The following TUBG1 variants were observed in gnomAD, a reference collection of about 807,000 sequenced individuals.
The protein encoded by TUBG1 is tubulin gamma 1, also known as tubulin gamma-1 chain.
In TUBG1, 22 loss-of-function variants were observed where a neutral mutation model predicts 53.3. That is an observed-to-expected ratio of 0.41 (90% CI 0.29 to 0.59). The LOEUF is 0.59. Among genes scored for constraint, TUBG1 ranks in the 20% least tolerant of loss-of-function variants. The pLI is 0.26. For missense variants in TUBG1, 217 were observed against 598.9 expected, an observed-to-expected ratio of 0.36 and a Z score of 6.66; for synonymous variants, 198 against 236.7, an observed-to-expected ratio of 0.84 and a Z score of 1.50.
At chr17:42,610,023 G>C in intron 1 of TUBG1, 85 bp from the exon 2 acceptor site, 4 of 1,496,618 alleles carry the variant, frequency 2.7e-6, no homozygotes, top group Non-Finnish European at 3.7e-6. Context: ...ATCCCTGGAC[G>C]CAGGCGCCCA....
chr17:42,612,586 A>G, intron 5 of TUBG1, 80 bp downstream of exon 5: 8 of 1,333,836 alleles, frequency 6.0e-6, no homozygotes, highest in Non-Finnish European at 8.6e-6. Context: ...ATATAACTCC[A>G]TATTTGCTGG....
chr17:42,612,742 A>C (rs565613246), intron 5 of TUBG1, among the ~76,000 whole-genome samples: 1 of 152,106 alleles, frequency 6.6e-6, no homozygotes, highest in African/African-American at 2.4e-5. Flanking sequence ...CCAGGTCTCA[A>C]TTTGGAAGCC....
Position 42,612,096 on chromosome 17 carries a change from AT to A in TUBG1, c.357del (p.Phe119LeufsTer4). On this transcript the variant is annotated frameshift_variant, in exon 4 of 11. Transcript: ENST00000251413. LOFTEE classifies it high-confidence loss of function. ...ACAGGGAGAAAAGATCCATGAGGAC[AT>A]TTTTGACATCATAGACCGGGAGGCA... ...FSQGEKIHED[I>X]FDIIDREADG... is the part of the protein sequence containing the mutation. 6.2e-7 allele frequency: 1 copy of A among 1,614,098 alleles called. No individual in the cohort carries two copies. The highest frequency in any genetic ancestry group is 8.5e-7 in the Non-Finnish European group (1 of 1,179,982).
At chr17:42,610,709 C>A in intron 3 of TUBG1, 119 bp downstream of exon 3, 1 of 1,447,948 alleles carries the variant, frequency 6.9e-7, no homozygotes, top group Non-Finnish European at 9.4e-7. Flanking sequence ...AGAGACCTGG[C>A]TGCAGGGAGT....
chr17:42,614,044 A>C lies in TUBG1; in HGVS notation c.843+46A>C, dbSNP rs760274594. ...CCCAGGCCAGGCCGGCCCTGGGCCC[A>C]ACAGGCCCTGTCCTAGCCTTTCTCT... On this transcript the variant is annotated intron_variant, in intron 8 of 10. Transcript: ENST00000251413. The surrounding 1 kb of genome is among the most constrained non-coding windows in gnomAD (Gnocchi z 5.1). The C allele has an allele frequency of 6.2e-7, 1 of 1,613,600 alleles. No homozygotes were observed. Among genetic ancestry groups the C allele is most frequent in the Non-Finnish European group, 8.5e-7 (1 of 1,179,708 alleles).
chr17:42,609,898 C>T, intron 1 of TUBG1, 112 bp downstream of exon 1: 2 of 1,432,230 alleles, frequency 1.4e-6, no homozygotes, highest in East Asian at 2.5e-5. Flanking sequence ...CTCTGAAAGG[C>T]GAGACATCCC....
chr17:42,612,369 T>G (rs2052043257), intron 4 of TUBG1, 58 bp from the exon 5 acceptor site: 1 of 1,576,886 alleles, frequency 6.3e-7, no homozygotes, highest in Non-Finnish European at 8.7e-7. Context: ...ATGAGATGGG[T>G]CTAGTTTGAC....
rs770802826 is a variant in TUBG1 at position 42,614,952 on chromosome 17, A to G, written c.1267A>G (p.Thr423Ala). 5.8e-5 allele frequency: 94 copies of G among 1,614,088 alleles called. No individual in the cohort carries two copies. The highest frequency in any genetic ancestry group is 7.7e-5 in the Non-Finnish European group (91 of 1,180,054). ...CAAGGACAACTTTGATGAGATGGAC[A>G]CATCCAGGGAGATTGTGCAGCAGCT... ...MFKDNFDEMD[T>A]SREIVQQLID... The change falls in exon 11 of 11, where the codon ACA becomes GCA. Residue 423 changes from threonine (T) to alanine (A), a missense_variant. Thr to Ala is a moderately conservative substitution (Grantham distance 58). Transcript: ENST00000251413. This position sits in a 1 kb window ranked among gnomAD's most constrained non-coding sequence, Gnocchi z 5.1.
chr17:42,612,418 C>A lies in TUBG1; in HGVS notation c.400-9C>A. 1 of 1,613,810 alleles carries A rather than the reference C, an allele frequency of 6.2e-7. No homozygotes were observed. The highest frequency in any genetic ancestry group is 8.5e-7 in the Non-Finnish European group (1 of 1,179,888). ...ATACCTGTACACTGACTGCCCCTTC[C>A]CCATGCAGGGCTTTGTGCTGTGTCA... On this transcript the variant is annotated splice_polypyrimidine_tract_variant and intron_variant, in intron 4 of 10. Coordinates refer to ENST00000251413, the MANE Select transcript of TUBG1 (RefSeq NM_001070.5).
At position 42,612,915 on chromosome 17, in the gene TUBG1, G is replaced by C. The variant is rs768070420; in HGVS notation, c.480-32G>C. On this transcript the variant is annotated intron_variant, in intron 5 of 10. Transcript: ENST00000251413. The stretch of plus-strand genomic sequence containing the variant: ...GCCATGTTCACCAGGCCTTCGGTCT[G>C]TTGCCCTGATCCTTTCCCCAACCCC... 5 of 1,612,782 alleles carry C rather than the reference G, an allele frequency of 3.1e-6. No homozygotes were observed. In the South Asian group the frequency reaches 4.4e-5, roughly 14 times the overall value.
rs1034291035 is a variant in TUBG1 at position 42,613,932 on chromosome 17, G to A, written c.777G>A (p.Ser259=). Residue 259 remains serine (S), a synonymous_variant, in exon 8 of 11, where the codon TCG becomes TCA. Coordinates refer to ENST00000251413, the MANE Select transcript of TUBG1 (RefSeq NM_001070.5). ...ATGACCTCATCGGCCTCATCGCCTCGCTCATTCCCACCCCACGGCTCCACT... is the reference window on the plus strand; with the variant it reads ...ATGACCTCATCGGCCTCATCGCCTCACTCATTCCCACCCCACGGCTCCACT... ...MNNDLIGLIA[S]LIPTPRLHFL... is the part of the protein sequence containing the mutation. 8 of 1,614,104 alleles carry A rather than the reference G, an allele frequency of 5.0e-6. No individual in the cohort carries two copies. The highest frequency in any genetic ancestry group is 1.7e-5 in the Admixed American group (1 of 60,014).
chr17:42,612,207 G>A, intron 4 of TUBG1, 64 bp downstream of exon 4: 1 of 1,559,634 alleles, frequency 6.4e-7, no homozygotes, highest in East Asian at 2.2e-5. Flanking sequence ...CCCTCTAGAA[G>A]CGACCTGTTA....
At chr17:42,611,994 G>A in intron 3 of TUBG1, 81 bp from the exon 4 acceptor site, 2 of 1,302,220 alleles carry the variant, frequency 1.5e-6, no homozygotes, top group South Asian at 1.2e-5. Flanking sequence ...GGTGTTATAA[G>A]GAGAATTGAG....
chr17:42,613,791 T>G (rs2052054494), intron 7 of TUBG1, 58 bp downstream of exon 7: 1 of 1,614,116 alleles, frequency 6.2e-7, no homozygotes, highest in African/African-American at 1.3e-5. Context: ...GGAGGGTCAT[T>G]TGGGGAAGGG....
chr17:42,613,139 T>C (rs945300264), intron 6 of TUBG1, 66 bp downstream of exon 6: 11 of 1,561,886 alleles, frequency 7.0e-6, no homozygotes, highest in African/African-American at 5.5e-5. Context: ...TATTAAATCA[T>C]TTTCATGTAT....
rs768906092 is a variant in TUBG1 at position 42,614,978 on chromosome 17, C to T, written c.1293C>T (p.Leu431=). 1 of 1,614,178 alleles carries T rather than the reference C, an allele frequency of 6.2e-7. No individual in the cohort carries two copies. Among genetic ancestry groups the T allele is most frequent in the South Asian group, 1.1e-5 (1 of 91,080 alleles). ...MDTSREIVQQ[L]IDEYHAATRP... ...CATCCAGGGAGATTGTGCAGCAGCT[C>T]ATCGATGAGTACCATGCGGCCACAC... is the stretch of plus-strand genomic sequence containing the variant. The change falls in exon 11 of 11, where the codon CTC becomes CTT. Residue 431 remains leucine (L), a synonymous_variant. Coordinates refer to ENST00000251413, the MANE Select transcript of TUBG1 (RefSeq NM_001070.5). The surrounding 1 kb of genome is among the most constrained non-coding windows in gnomAD (Gnocchi z 5.1).
intron 6 of TUBG1, 78 bp downstream of exon 6, chr17:42,613,151 T>A: frequency 1.3e-6 from 2 of 1,549,218 alleles, no homozygotes; most frequent in Non-Finnish European, 1.7e-6. Context: ...TTCATGTATT[T>A]AAAAAAAATC....
At position 42,614,240 on chromosome 17, in the gene TUBG1, C is replaced by T; in HGVS notation, c.844-20C>T. 1 of 1,613,900 alleles carries T rather than the reference C, an allele frequency of 6.2e-7. No homozygotes were observed. The highest frequency in any genetic ancestry group is 1.1e-5 in the South Asian group (1 of 91,084). Reference sequence around the variant, plus strand: ...TGTGCCCTGAGCGCTGGCCGGGTCCCTGTCTCACTGTCCTATCAGGTGGCC... The same window carrying T: ...TGTGCCCTGAGCGCTGGCCGGGTCCTTGTCTCACTGTCCTATCAGGTGGCC... On this transcript the variant is annotated intron_variant, in intron 8 of 10. Transcript: ENST00000251413. This position sits in a 1 kb window ranked among gnomAD's most constrained non-coding sequence, Gnocchi z 5.1.
intron 5 of TUBG1, 61 bp downstream of exon 5, chr17:42,612,567 A>T: frequency 6.8e-7 from 1 of 1,473,796 alleles, no homozygotes; most frequent in Non-Finnish European, 9.5e-7. Context: ...TGACTAGGGG[A>T]CCCAGCAGAT....
Sources: allele counts gnomAD v4.1 joint callset (sites outside exome capture counted in the v4.1 genomes callset), GRCh38; gene constraint gnomAD v4.1.1; non-coding constraint Gnocchi (gnomAD v3.1); transcripts MANE v1.5; gene names NCBI Gene and HGNC (gene_info 2026-07-23, HGNC 2026-07-21).